SH3RF3: variants seen among roughly 807,000 people sequenced by gnomAD.
SH3RF3 encodes SH3 domain containing ring finger 3.
SH3RF3 carries 29 observed loss-of-function variants against 66.3 expected under a neutral mutation model. That is an observed-to-expected ratio of 0.44 (90% CI 0.33 to 0.60). The LOEUF (loss-of-function observed/expected upper bound fraction) is 0.60. Among genes scored for constraint, SH3RF3 ranks in the 20% least tolerant of loss-of-function variants. The pLI is 0.04. For synonymous variants in SH3RF3, 583 were observed against 532.0 expected (o/e 1.10, Z -1.32); for missense variants, 1,194 against 1,190.9 (o/e 1.00, Z -0.04).
chr2:109,259,043 G>A (rs551941311), intron 1 of SH3RF3, among the ~76,000 whole-genome samples: 1 of 152,222 alleles, frequency 6.6e-6, no homozygotes, highest in Non-Finnish European at 1.5e-5. Flanking sequence ...AGGAGGGAGA[G>A]CCTTGTGCTG....
rs375715235 is a variant in SH3RF3 at position 109,236,100 on chromosome 2, A to G, written c.573+105987A>G. ...GACCTATTATAATATGCATGAAGCT[A>G]TTCACATTTTGAACCTCTCCAAGAT... On this transcript the variant is annotated intron_variant, in intron 1 of 9. Coordinates refer to ENST00000309415, the MANE Select transcript of SH3RF3 (RefSeq NM_001099289.3). Among the ~76,000 whole-genome samples, 9 of 152,240 alleles carry G rather than the reference A, an allele frequency of 5.9e-5. No individual in the cohort carries two copies. The East Asian group carries it at 1.2e-3, about 20-fold the overall frequency.
intron 1 of SH3RF3, among the ~76,000 whole-genome samples, chr2:109,212,986 C>A (rs1024133867): frequency 6.6e-6 from 1 of 152,200 alleles, no homozygotes; most frequent in African/African-American, 2.4e-5. Flanking sequence ...CCCAGGGAAG[C>A]CCTGTGCTGA....
chr2:109,147,546 T>G (rs565492545), intron 1 of SH3RF3, among the ~76,000 whole-genome samples: 1 of 152,306 alleles, frequency 6.6e-6, no homozygotes, highest in South Asian at 2.1e-4. Flanking sequence ...ATGCTAAACA[T>G]AGTACCGTAA....
At chr2:109,406,792 G>A (rs140065142) in intron 4 of SH3RF3, among the ~76,000 whole-genome samples, 8 of 152,298 alleles carry the variant, frequency 5.3e-5, no homozygotes, top group Non-Finnish European at 7.3e-5. Context: ...GGGCAGAAAT[G>A]AAGCAACCAG....
intron 4 of SH3RF3, among the ~76,000 whole-genome samples, chr2:109,417,849 G>C (rs959353204): frequency 2.0e-5 from 3 of 152,192 alleles, no homozygotes; most frequent in African/African-American, 7.2e-5. Context: ...CAGGTAGGTG[G>C]CCGGCGGCAT....
chr2:109,191,628 G>A (rs543256887), intron 1 of SH3RF3, among the ~76,000 whole-genome samples: 5 of 152,282 alleles, frequency 3.3e-5, no homozygotes, highest in African/African-American at 1.2e-4. Context: ...TGGAATTGCA[G>A]CAAGAGCAGT....
intron 7 of SH3RF3, among the ~76,000 whole-genome samples, chr2:109,438,740 A>T (rs1677481142): frequency 6.6e-6 from 1 of 152,026 alleles, no homozygotes; most frequent in Non-Finnish European, 1.5e-5. Context: ...CTAGCTGGGG[A>T]TACAGTCATT....
intron 1 of SH3RF3, among the ~76,000 whole-genome samples, chr2:109,301,755 C>T (rs1681474505): frequency 6.6e-6 from 1 of 152,222 alleles, no homozygotes; most frequent in Non-Finnish European, 1.5e-5. Flanking sequence ...GCTGGCCTTG[C>T]ACTTTCCTAC....
chr2:109,470,641 T>C (rs1295272132), intron 8 of SH3RF3, among the ~76,000 whole-genome samples: 1 of 152,178 alleles, frequency 6.6e-6, no homozygotes, highest in Non-Finnish European at 1.5e-5. Flanking sequence ...GCTCTGACAG[T>C]GCCACGCATG....
rs1415076750 is a variant in SH3RF3 at position 109,453,929 on chromosome 2, C to T, written c.2148+4440C>T. On this transcript the variant is annotated intron_variant, in intron 8 of 9. Transcript: ENST00000309415. ...ATGGCCCGAAGATGAGGGCCAGGGA[C>T]GGGAGAGGTAGCAGGCAGCCCTGGG... 2.0e-5 allele frequency among the ~76,000 whole-genome samples: 3 copies of T among 152,120 alleles called. No homozygotes were observed. In the East Asian group the frequency reaches 5.8e-4, roughly 29 times the overall value.
intron 1 of SH3RF3, among the ~76,000 whole-genome samples, chr2:109,317,625 G>A (rs1199163424): frequency 1.3e-5 from 2 of 152,078 alleles, no homozygotes; most frequent in Admixed American, 6.5e-5. Context: ...TGACTTGCTG[G>A]GCCTGGAAAA....
At chr2:109,333,939 T>C (rs539454782) in intron 1 of SH3RF3, among the ~76,000 whole-genome samples, 5 of 152,362 alleles carry the variant, frequency 3.3e-5, no homozygotes, top group South Asian at 2.1e-4. Flanking sequence ...GAATTAATAA[T>C]GAGGACATGC....
intron 8 of SH3RF3, among the ~76,000 whole-genome samples, chr2:109,467,860 G>A (rs749434828): frequency 1.3e-5 from 2 of 152,146 alleles, no homozygotes; most frequent in Non-Finnish European, 2.9e-5. Flanking sequence ...ACCCTCCGCC[G>A]TCATTCACAT....
intron 4 of SH3RF3, among the ~76,000 whole-genome samples, chr2:109,410,081 G>A (rs72945324): frequency 0.045 from 6,803 of 152,206 alleles, 488 homozygotes; most frequent in African/African-American, 0.15. Flanking sequence ...AATACGGCCT[G>A]GTTCCCAGCC....
chr2:109,202,509 G>A (rs538432873), intron 1 of SH3RF3, among the ~76,000 whole-genome samples: 27 of 152,328 alleles, frequency 1.8e-4, no homozygotes, highest in Middle Eastern at 3.4e-3. Context: ...TCACATGTCT[G>A]GGTAGCTGGT....
At chr2:109,370,389 G>A (rs994694828) in intron 2 of SH3RF3, among the ~76,000 whole-genome samples, 11 of 152,124 alleles carry the variant, frequency 7.2e-5, no homozygotes, top group African/African-American at 2.7e-4. Context: ...ACAGGTGCCT[G>A]CCACCATGCC....
chr2:109,324,853 C>T (rs992619324), intron 1 of SH3RF3, among the ~76,000 whole-genome samples: 13 of 152,202 alleles, frequency 8.5e-5, no homozygotes, highest in African/African-American at 3.1e-4. Flanking sequence ...GAGGTGTGTG[C>T]AAGCACGCAC....
chr2:109,178,597 C>T (rs1677987202), intron 1 of SH3RF3, among the ~76,000 whole-genome samples: 1 of 152,152 alleles, frequency 6.6e-6, no homozygotes, highest in Non-Finnish European at 1.5e-5. Context: ...TTTTTCAGAA[C>T]CAAAAGAGTC....
In SH3RF3 at chr2:109,386,276, C is replaced by T. The variant is rs551694604; in HGVS notation, c.946-12314C>T. Among the ~76,000 whole-genome samples, 3 of 152,318 alleles carry T rather than the reference C, an allele frequency of 2.0e-5. No homozygotes were observed. The East Asian group carries it at 5.8e-4, about 29-fold the overall frequency. On this transcript the variant is annotated intron_variant, in intron 3 of 9. Transcript: ENST00000309415. ...CCTAGCCCCTGTGGATCTCCCTATC[C>T]GTTAGAGACGCATATGGAGCATGTA... is the stretch of plus-strand genomic sequence containing the variant.
Sources: gnomAD v4.1 joint callset for allele counts (sites outside exome capture counted in the v4.1 genomes callset) on GRCh38, gnomAD v4.1.1 for gene constraint, MANE v1.5 for transcripts, NCBI Gene and HGNC (gene_info 2026-07-23, HGNC 2026-07-21) for gene names.